Variants in UFC1 observed in about 807,000 individuals in gnomAD.
The protein encoded by UFC1 is ubiquitin-fold modifier conjugating enzyme 1.
UFC1 carries 22 observed loss-of-function variants against 28.0 expected under a neutral mutation model. The ratio of observed to expected loss-of-function variants is 0.78; its 90% CI spans 0.56 to 1.12. The LOEUF (loss-of-function observed/expected upper bound fraction) is 1.12, where lower values mean the gene tolerates loss of function less well. Ranked by LOEUF, UFC1 falls within the 50% of genes most tolerant of loss-of-function variation. The probability of loss-of-function intolerance (pLI) is 0.00; values close to 1 mark genes in which losing one functional copy is unlikely to be tolerated. For synonymous variants in UFC1, 61 were observed against 74.5 expected (o/e 0.82, Z 0.93); for missense variants, 189 against 207.8 (o/e 0.91, Z 0.56).
At position 161,157,623 on chromosome 1, in the gene UFC1, A is replaced by G. The variant is rs551502478; in HGVS notation, c.262A>G (p.Ile88Val). Residue 88 changes from isoleucine to valine, a missense_variant, in exon 4 of 6, where the codon ATC (isoleucine) becomes GTC (valine). Ile to Val is a conservative substitution (Grantham distance 29). Coordinates refer to ENST00000368003, the MANE Select transcript of UFC1 (RefSeq NM_016406.4). ...YEFDIEFDIP[I>V]TYPTTAPEIA... is the part of the protein sequence containing the mutation. ...GGTTTTATAATTTCTCCAGATTCCT[A>G]TCACATATCCTACTACTGCCCCAGA... 4 of 1,613,760 alleles carry G rather than the reference A, an allele frequency of 2.5e-6. No individual in the cohort carries two copies. The highest frequency in any genetic ancestry group is 4.5e-5 in the East Asian group (2 of 44,876).
At chr1:161,156,103 A>G (rs1240061453) in intron 1 of UFC1, among the ~76,000 whole-genome samples, 1 of 152,166 alleles carries the variant, frequency 6.6e-6, no homozygotes, top group Non-Finnish European at 1.5e-5. Flanking sequence ...GAGAATCCAG[A>G]TGGTATCTTC....
chr1:161,157,175 G>A, intron 2 of UFC1, 79 bp from the exon 3 acceptor site: 1 of 1,586,958 alleles, frequency 6.3e-7, no homozygotes, highest in East Asian at 2.2e-5. Flanking sequence ...GAGTCTCCCA[G>A]GCTGGTGGCC....
rs1657629204 is a variant in UFC1 at position 161,158,606 on chromosome 1, T to C, written c.*114T>C. The C allele has an allele frequency of 9.0e-7, 1 of 1,105,798 alleles. No individual in the cohort carries two copies. Among genetic ancestry groups the C allele is most frequent in the South Asian group, 1.3e-5 (1 of 75,548 alleles). 68.5% of individuals were successfully genotyped at this position (1,105,798 alleles called of 1,614,324 possible). On this transcript the variant is annotated 3_prime_UTR_variant, in exon 6 of 6. Coordinates refer to ENST00000368003, the MANE Select transcript of UFC1 (RefSeq NM_016406.4). ...TTCCCCGGACACCCTCCACCTCTAG[T>C]TGTTACTAAGTAGCTGCAGTAGGCA... is the stretch of plus-strand genomic sequence containing the variant.
chr1:161,157,230 A>C (rs1228962887), intron 2 of UFC1, 24 bp from the exon 3 acceptor site: 15 of 1,614,200 alleles, frequency 9.3e-6, no homozygotes, highest in Admixed American at 1.7e-5. Flanking sequence ...GGCAAATTGG[A>C]CTGAGGTTTG....
intron 1 of UFC1, among the ~76,000 whole-genome samples, chr1:161,155,421 G>C (rs1353820957): frequency 6.6e-6 from 1 of 152,184 alleles, no homozygotes; most frequent in Admixed American, 6.6e-5. Flanking sequence ...GGCAGGGAAT[G>C]GTAGACAAAG....
At chr1:161,156,003 T>C (rs548314615) in intron 1 of UFC1, among the ~76,000 whole-genome samples, 1 of 152,266 alleles carries the variant, frequency 6.6e-6, no homozygotes, top group East Asian at 1.9e-4. Flanking sequence ...AAACCAGGAC[T>C]ATATGAGGCT....
In UFC1 at chr1:161,158,367, A is replaced by C. The variant is rs749408967; in HGVS notation, c.424-45A>C. ...GGAAGGAGCTTCTAATGGAACAAGA[A>C]GCATTGACTGGTAGTAATCTCACAG... On this transcript the variant is annotated intron_variant, in intron 5 of 5. Coordinates refer to ENST00000368003, the MANE Select transcript of UFC1 (RefSeq NM_016406.4). 4 of 1,610,832 alleles carry C rather than the reference A, an allele frequency of 2.5e-6. No individual in the cohort carries two copies. The South Asian group carries it at 4.4e-5, about 18-fold the overall frequency.
At position 161,158,161 on chromosome 1, in the gene UFC1, T is replaced by C. The variant is rs1557997321; in HGVS notation, c.373T>C (p.Trp125Arg). ...ICLTDHFKPL[W>R]ARNVPKFGLA... ...CCTGACGGATCATTTCAAACCTTTG[T>C]GGGCCAGGAATGTGCCCAAATTTGG... The change falls in exon 5 of 6, where the codon TGG becomes CGG. Residue 125 changes from tryptophan to arginine, a missense_variant. Physicochemically the swap from Trp to Arg is moderately radical, Grantham distance 101. Coordinates refer to ENST00000368003, the MANE Select transcript of UFC1 (RefSeq NM_016406.4). 6.2e-7 allele frequency: 1 copy of C among 1,614,204 alleles called. No homozygotes were observed.
At chr1:161,157,131 C>A in intron 2 of UFC1, 114 bp downstream of exon 2, 1 of 1,501,698 alleles carries the variant, frequency 6.7e-7, no homozygotes, top group Non-Finnish European at 9.3e-7. Context: ...GTCTCCACTC[C>A]CACAGCGCCA....
intron 1 of UFC1, among the ~76,000 whole-genome samples, chr1:161,156,396 G>A (rs139269341): frequency 0.056 from 8,464 of 151,662 alleles, 271 homozygotes; most frequent in South Asian, 0.084. Context: ...AAAATTAGCC[G>A]GGCATGGTGG....
chr1:161,157,150 C>T, intron 2 of UFC1, 104 bp from the exon 3 acceptor site: 1 of 1,537,304 alleles, frequency 6.5e-7, no homozygotes, highest in Non-Finnish European at 9.0e-7. Context: ...CAGAGTTCCC[C>T]AGTTCCCATC....
At chr1:161,157,782 A>G in intron 4 of UFC1, 89 bp downstream of exon 4, 1 of 1,084,894 alleles carries the variant, frequency 9.2e-7, no homozygotes, top group Non-Finnish European at 1.4e-6. Context: ...AAGAATAGCT[A>G]ATGGATGCTT....
Position 161,154,073 on chromosome 1 carries a change from G to A in UFC1, c.76G>A (p.Glu26Lys), listed in dbSNP as rs1280963294. 1.2e-6 allele frequency: 2 copies of A among 1,614,146 alleles called. No homozygotes were observed. The highest frequency in any genetic ancestry group is 1.7e-6 in the Non-Finnish European group (2 of 1,180,036). ...LKTNAGPRDR[E>K]LWVQRLKEEY... The stretch of plus-strand genomic sequence containing the variant: ...GACTAACGCCGGACCCCGAGATCGT[G>A]AGTTGTGGGTGCAGCGACTGAAGGA... Residue 26 changes from glutamate to lysine, a missense_variant, in exon 1 of 6, where the codon GAG (glutamate) becomes AAG (lysine). Coordinates refer to ENST00000368003, the MANE Select transcript of UFC1 (RefSeq NM_016406.4).
At chr1:161,156,066 G>C (rs1488766829) in intron 1 of UFC1, among the ~76,000 whole-genome samples, 1 of 152,166 alleles carries the variant, frequency 6.6e-6, no homozygotes, top group Non-Finnish European at 1.5e-5. Context: ...TGTGGGCTGA[G>C]GGCAGACACT....
intron 5 of UFC1, 22 bp from the exon 6 acceptor site, chr1:161,158,390 C>T: frequency 6.2e-7 from 1 of 1,614,054 alleles, no homozygotes. Context: ...AGTAATCTCA[C>T]AGGATTTTCC....
At chr1:161,157,748 C>T (rs189411830) in intron 4 of UFC1, 55 bp downstream of exon 4, 254 of 1,478,540 alleles carry the variant, frequency 1.7e-4, no homozygotes, top group Non-Finnish European at 2.3e-4. Flanking sequence ...GGAAGAACTT[C>T]GTGGCGGGAG....
rs1411685273 is a variant in UFC1, at chr1:161,158,116, C to T, written c.333-5C>T. ...GTCAACACCTTCTTCATGTCCCTCT[C>T]ATAGGGGTGGCAAAATATGCCTGAC... On this transcript the variant is annotated splice_region_variant and splice_polypyrimidine_tract_variant and intron_variant, in intron 4 of 5. Transcript: ENST00000368003. 1.9e-6 allele frequency: 3 copies of T among 1,613,850 alleles called. No individual in the cohort carries two copies. Among genetic ancestry groups the T allele is most frequent in the East Asian group, 4.5e-5 (2 of 44,898 alleles).
intron 1 of UFC1, among the ~76,000 whole-genome samples, chr1:161,154,960 C>A (rs1268467145): frequency 6.6e-6 from 1 of 151,966 alleles, no homozygotes; most frequent in Non-Finnish European, 1.5e-5. Context: ...CTTCAAAGAC[C>A]AGCAGTTCTA....
At chr1:161,156,847 A>T in intron 1 of UFC1, 103 bp from the exon 2 acceptor site, 1 of 1,070,284 alleles carries the variant, frequency 9.3e-7, no homozygotes, top group Non-Finnish European at 1.4e-6. Flanking sequence ...CATCTCAATA[A>T]AAATAAAAAA....
Sources: allele counts gnomAD v4.1 joint callset (sites outside exome capture counted in the v4.1 genomes callset), GRCh38; gene constraint gnomAD v4.1.1; transcripts MANE v1.5; gene names NCBI Gene and HGNC (gene_info 2026-07-23, HGNC 2026-07-21).